Variants in ITPR2 observed in about 807,000 individuals in gnomAD.
ITPR2 encodes inositol 1,4,5-trisphosphate receptor type 2.
A neutral mutation model predicts 317.1 loss-of-function variants in ITPR2; 207 were observed. The ratio of observed to expected loss-of-function variants is 0.65; its 90% CI spans 0.58 to 0.73. The LOEUF (loss-of-function observed/expected upper bound fraction) is 0.73, where lower values mean the gene tolerates loss of function less well. Among genes scored for constraint, ITPR2 ranks in the 30% least tolerant of loss-of-function variants. The pLI, the probability that ITPR2 is intolerant of heterozygous loss-of-function variation, is 0.00. For missense variants in ITPR2, 2,613 were observed against 3,284.0 expected (o/e 0.80, Z 4.99); for synonymous variants, 1,156 against 1,149.1 (o/e 1.01, Z -0.12).
At chr12:26,666,101 GA>G in intron 13 of ITPR2, 50 bp from the exon 14 acceptor site, 8 of 1,414,556 alleles carry the variant, frequency 5.7e-6, no homozygotes, top group Non-Finnish European at 7.8e-6. Context: ...CTTAATTTTG[GA>G]AAATGTATAG....
chr12:26,421,224 T>C (rs1416349921), intron 49 of ITPR2: 2 of 152,198 alleles, frequency 1.3e-5, no homozygotes, highest in African/African-American at 2.4e-5. Context: ...GACTCCGCCA[T>C]TTTCACTTGA....
chr12:26,766,309 T>C (rs773113168), intron 2 of ITPR2, among the ~76,000 whole-genome samples: 14 of 152,042 alleles, frequency 9.2e-5, no homozygotes, highest in African/African-American at 1.2e-4. Context: ...TTTTTTTTTG[T>C]AACTATAATT....
intron 13 of ITPR2, among the ~76,000 whole-genome samples, chr12:26,680,768 T>TGATG (rs1456668003): frequency 2.0e-5 from 3 of 152,318 alleles, no homozygotes; most frequent in Admixed American, 2.0e-4. Context: ...ATTCAACTGG[T>TGATG]GATGGACATT....
chr12:26,681,369 G>C (rs1313861008), intron 13 of ITPR2, among the ~76,000 whole-genome samples: 1 of 152,054 alleles, frequency 6.6e-6, no homozygotes, highest in Admixed American at 6.6e-5. Flanking sequence ...TCCAAAACCA[G>C]AGCTGAAGAA....
rs1027770431 is a variant in ITPR2 at position 26,723,326 on chromosome 12, A to T, written c.367-771T>A. 3.3e-5 allele frequency among the ~76,000 whole-genome samples: 5 copies of T among 152,242 alleles called. No individual in the cohort carries two copies. In the East Asian group the frequency reaches 9.6e-4, roughly 29 times the overall value. Reference sequence around the variant, plus strand: ...TCAGCATTTTAAAATGCTCATTATCATACTCTTGGGTCCTTATGTTACCAC... The same window carrying T: ...TCAGCATTTTAAAATGCTCATTATCTTACTCTTGGGTCCTTATGTTACCAC... On this transcript the variant is annotated intron_variant, in intron 4 of 56. Transcript: ENST00000381340.
chr12:26,455,829 A>G lies in ITPR2; in HGVS notation c.6343-12179T>C, dbSNP rs1321545625. Among the ~76,000 whole-genome samples the G allele has an allele frequency of 5.3e-5, 8 of 152,218 alleles. 1 individual carries two copies. Among genetic ancestry groups the G allele is most frequent in the Admixed American group, 3.9e-4 (6 of 15,284 alleles). On this transcript the variant is annotated intron_variant, in intron 45 of 56. Transcript: ENST00000381340. The stretch of plus-strand genomic sequence containing the variant: ...TATATGAACAAAGTTACTGCCTGCA[A>G]TGTAAGTGTCTTGGGGATTATATAA...
At chr12:26,795,647 A>G (rs1311522087) in intron 1 of ITPR2, among the ~76,000 whole-genome samples, 2 of 152,182 alleles carry the variant, frequency 1.3e-5, no homozygotes, top group African/African-American at 4.8e-5. Context: ...AAGAGTCACA[A>G]GGCCACTGCT....
Position 26,481,112 on chromosome 12 carries a change from A to C in ITPR2, c.6123+19T>G, listed in dbSNP as rs151026763. The stretch of plus-strand genomic sequence containing the variant: ...TAGAGACTGTAGCTTTTCTGGCCTG[A>C]ACAGTGGAATCGCTCTACCTTTAGC... On this transcript the variant is annotated intron_variant, in intron 43 of 56. Transcript: ENST00000381340. 598 of 1,444,226 alleles carry C rather than the reference A, an allele frequency of 4.1e-4. 7 individuals carry two copies. The African/African-American group carries it at 6.5e-3, about 16-fold the overall frequency. The allele number at this position is 1,444,226 out of a possible 1,614,324, so 89.5% of individuals were successfully genotyped here. A position where few individuals can be genotyped will look rare whatever the true frequency, so the allele number is the denominator to read the frequency against.
At chr12:26,555,747 G>A (rs879648037) in intron 36 of ITPR2, among the ~76,000 whole-genome samples, 2 of 152,188 alleles carry the variant, frequency 1.3e-5, no homozygotes, top group Non-Finnish European at 1.5e-5. Context: ...TGAAGCACAC[G>A]TGGTCCTCAG....
intron 1 of ITPR2, among the ~76,000 whole-genome samples, chr12:26,820,901 C>T (rs1950928488): frequency 6.6e-6 from 1 of 152,102 alleles, no homozygotes; most frequent in Non-Finnish European, 1.5e-5. Context: ...TGCATGTTTT[C>T]ACTTATACAT....
At chr12:26,820,673 C>A (rs1198099533) in intron 1 of ITPR2, among the ~76,000 whole-genome samples, 1 of 152,096 alleles carries the variant, frequency 6.6e-6, no homozygotes, top group South Asian at 2.1e-4. Context: ...AAATCTTGTA[C>A]ATAAATATTC....
At chr12:26,828,279 T>G (rs1423785267) in intron 1 of ITPR2, among the ~76,000 whole-genome samples, 1 of 152,152 alleles carries the variant, frequency 6.6e-6, no homozygotes, top group African/African-American at 2.4e-5. Context: ...AAATCACAAC[T>G]ACCACTCTGC....
intron 34 of ITPR2, among the ~76,000 whole-genome samples, chr12:26,574,679 C>T (rs1945234747): frequency 6.6e-6 from 1 of 152,124 alleles, no homozygotes; most frequent in South Asian, 2.1e-4. Context: ...ACTGACTCGT[C>T]GTTCTGCGGG....
intron 15 of ITPR2, among the ~76,000 whole-genome samples, chr12:26,660,006 G>T (rs76066485): frequency 0.13 from 19,667 of 152,214 alleles, 1,685 homozygotes; most frequent in Non-Finnish European, 0.19. Flanking sequence ...TTTCTTGAAG[G>T]CCTATGCTGA....
intron 55 of ITPR2, among the ~76,000 whole-genome samples, chr12:26,382,116 C>T (rs571469396): frequency 3.9e-5 from 6 of 152,202 alleles, no homozygotes; most frequent in Non-Finnish European, 7.4e-5. Context: ...GAGGATTTAT[C>T]CTTTCATACC....
At chr12:26,467,664 C>T (rs76123954) in intron 45 of ITPR2, among the ~76,000 whole-genome samples, 3,352 of 152,136 alleles carry the variant, frequency 0.022, 156 homozygotes, top group East Asian at 0.21. Context: ...GAAATAAATA[C>T]GTAACTAACA....
At chr12:26,427,799 A>C (rs11048514) in intron 49 of ITPR2, 114 bp downstream of exon 49, 1 of 623,750 alleles carries the variant, frequency 1.6e-6, no homozygotes, top group African/African-American at 1.9e-5. Flanking sequence ...TTAGATTTAT[A>C]ATAAATTAGA....
At chr12:26,811,384 G>A (rs955408567) in intron 1 of ITPR2, among the ~76,000 whole-genome samples, 1 of 151,728 alleles carries the variant, frequency 6.6e-6, no homozygotes, top group African/African-American at 2.4e-5. Flanking sequence ...GCTGAGGCAG[G>A]CGGATCACGA....
At chr12:26,371,525 T>G (rs1939189595) in intron 55 of ITPR2, among the ~76,000 whole-genome samples, 1 of 152,206 alleles carries the variant, frequency 6.6e-6, no homozygotes, top group East Asian at 1.9e-4. Context: ...TTGGATAGAC[T>G]ATGACGAAGT....
Sources: gnomAD v4.1 joint callset for allele counts (sites outside exome capture counted in the v4.1 genomes callset) on GRCh38, gnomAD v4.1.1 for gene constraint, MANE v1.5 for transcripts, NCBI Gene and HGNC (gene_info 2026-07-23, HGNC 2026-07-21) for gene names.